RYR2: variants seen among roughly 807,000 people sequenced by gnomAD.
RYR2 encodes the protein cardiac muscle ryanodine receptor-calcium release channel.
RYR2 carries 227 observed loss-of-function variants against 601.1 expected under a neutral mutation model. That is an observed-to-expected ratio of 0.38 (90% CI 0.34 to 0.42). RYR2 has a LOEUF of 0.42. Among genes scored for constraint, RYR2 ranks in the 10% least tolerant of loss-of-function variants. The pLI is 1.00. For missense variants in RYR2, 4,646 were observed against 6,156.5 expected (o/e 0.75, Z 8.21); for synonymous variants, 2,223 against 2,175.1 (o/e 1.02, Z -0.61).
At chr1:237,135,764 T>C (rs1672709072) in intron 1 of RYR2, among the ~76,000 whole-genome samples, 1 of 152,248 alleles carries the variant, frequency 6.6e-6, no homozygotes, top group African/African-American at 2.4e-5. Flanking sequence ...ATTTGTCTTT[T>C]GTACAGCTTT....
intron 1 of RYR2, among the ~76,000 whole-genome samples, chr1:237,177,403 A>G (rs1678174792): frequency 6.6e-6 from 1 of 152,178 alleles, no homozygotes; most frequent in Non-Finnish European, 1.5e-5. Context: ...CTCTGTAAGC[A>G]TTTTCCTGAT....
intron 12 of RYR2, among the ~76,000 whole-genome samples, chr1:237,439,335 G>T (rs1304569433): frequency 2.0e-5 from 3 of 152,024 alleles, no homozygotes; most frequent in African/African-American, 7.2e-5. Context: ...CTCACTCAAG[G>T]GTCATAGTAA....
At chr1:237,831,955 C>T (rs889581280) in intron 104 of RYR2, among the ~76,000 whole-genome samples, 1 of 152,090 alleles carries the variant, frequency 6.6e-6, no homozygotes, top group Non-Finnish European at 1.5e-5. Context: ...TTTGAAATTC[C>T]TCTTCCACTG....
chr1:237,572,839 G>A (rs1672838807), intron 29 of RYR2, among the ~76,000 whole-genome samples: 2 of 152,002 alleles, frequency 1.3e-5, no homozygotes, highest in African/African-American at 2.4e-5. Flanking sequence ...TTTTGGTACT[G>A]GAATATCTCT....
At position 237,832,701 on chromosome 1, in the gene RYR2, C is replaced by A; in HGVS notation, c.*54C>A. 1.0e-6 allele frequency: 1 copy of A among 986,890 alleles called. No homozygotes were observed. Among genetic ancestry groups the A allele is most frequent in the South Asian group, 1.4e-5 (1 of 71,098 alleles). 61.1% of individuals were successfully genotyped at this position (986,890 alleles called of 1,614,324 possible). A position where few individuals can be genotyped will look rare whatever the true frequency, so the allele number is the denominator to read the frequency against. Reference sequence around the variant, plus strand: ...AAACCCTACCCCTCTCTCTCCCTCTCTCAATTTCTCTGCTCTCTTGGAAAC... The same window carrying A: ...AAACCCTACCCCTCTCTCTCCCTCTATCAATTTCTCTGCTCTCTTGGAAAC... On this transcript the variant is annotated 3_prime_UTR_variant, in exon 105 of 105. Transcript: ENST00000366574.
chr1:237,577,301 C>T (rs777481283), intron 29 of RYR2, among the ~76,000 whole-genome samples: 3 of 152,034 alleles, frequency 2.0e-5, no homozygotes, highest in South Asian at 2.1e-4. Flanking sequence ...TATGGTAGGC[C>T]GAATAATGTC....
At chr1:237,494,463 G>T (rs1663806397) in intron 19 of RYR2, among the ~76,000 whole-genome samples, 1 of 152,162 alleles carries the variant, frequency 6.6e-6, no homozygotes. Context: ...GCTGGCAGCT[G>T]ATTAGATGGT....
intron 1 of RYR2, among the ~76,000 whole-genome samples, chr1:237,136,037 C>T (rs1031668788): frequency 2.6e-5 from 4 of 152,174 alleles, no homozygotes; most frequent in African/African-American, 9.7e-5. Context: ...TTCCCTTCTT[C>T]TTCAGATCCT....
At chr1:237,468,956 G>A in intron 16 of RYR2, 136 bp from the exon 17 acceptor site, 2 of 648,762 alleles carry the variant, frequency 3.1e-6, no homozygotes, top group South Asian at 1.9e-5. Flanking sequence ...GTACGTGTAT[G>A]TATGTTTGCA....
At position 237,721,810 on chromosome 1, in the gene RYR2, G is replaced by A. The variant is rs139514230; in HGVS notation, c.10555-1318G>A. The stretch of plus-strand genomic sequence containing the variant: ...GCTGGGATTACAGGAGTGAGCCACC[G>A]TGCCCGGCTGCTTTGTCCATTTTTA... On this transcript the variant is annotated intron_variant, in intron 73 of 104. Transcript: ENST00000366574. Among the ~76,000 whole-genome samples, 38 of 152,216 alleles carry A rather than the reference G, an allele frequency of 2.5e-4. No homozygotes were observed. In the East Asian group the frequency reaches 6.8e-3, roughly 27 times the overall value.
At chr1:237,735,135 A>G (rs2685295) in intron 79 of RYR2, among the ~76,000 whole-genome samples, 50,054 of 152,176 alleles carry the variant, frequency 0.33, 8,993 homozygotes, top group East Asian at 0.61. Flanking sequence ...TGAGCAAGGT[A>G]GGGATTGAAA....
chr1:237,509,004 A>C (rs1291986699), intron 23 of RYR2, among the ~76,000 whole-genome samples: 1 of 151,778 alleles, frequency 6.6e-6, no homozygotes, highest in East Asian at 1.9e-4. Context: ...GGCCTCCCAA[A>C]GTGCTGGGAT....
At chr1:237,319,223 A>G (rs1469122513) in intron 2 of RYR2, among the ~76,000 whole-genome samples, 2 of 152,194 alleles carry the variant, frequency 1.3e-5, no homozygotes, top group African/African-American at 4.8e-5. Context: ...TTTTTAAAGC[A>G]TGCTTTCCTT....
Position 237,674,236 on chromosome 1 carries a change from C to G in RYR2, c.8714+17C>G. The G allele has an allele frequency of 6.3e-7, 1 of 1,584,908 alleles. No homozygotes were observed. Among genetic ancestry groups the G allele is most frequent in the Non-Finnish European group, 8.7e-7 (1 of 1,155,074 alleles). ...TGTATCCAGGTAAAAGTACACATAC[C>G]CTAAGTACACACTCTTTTCACAAGA... On this transcript the variant is annotated intron_variant, in intron 59 of 104. Coordinates refer to ENST00000366574, the MANE Select transcript of RYR2 (RefSeq NM_001035.3).
At chr1:237,329,378 A>G (rs568158140) in intron 2 of RYR2, among the ~76,000 whole-genome samples, 1 of 152,134 alleles carries the variant, frequency 6.6e-6, no homozygotes, top group African/African-American at 2.4e-5. Context: ...GCGGTGGCTC[A>G]TGTCTGTAAT....
intron 1 of RYR2, among the ~76,000 whole-genome samples, chr1:237,161,913 C>T (rs961158640): frequency 2.0e-5 from 3 of 152,220 alleles, no homozygotes; most frequent in Middle Eastern, 3.4e-3. Flanking sequence ...ATAGCAAATA[C>T]GTCAAATCTT....
Position 237,500,859 on chromosome 1 carries a change from C to T in RYR2, c.2352C>T (p.Ile784=), listed in dbSNP as rs573789485. 1.4e-5 allele frequency: 22 copies of T among 1,614,008 alleles called. No homozygotes were observed. Among genetic ancestry groups the T allele is most frequent in the African/African-American group, 8.0e-5 (6 of 75,030 alleles). Residue 784 remains isoleucine (I), a synonymous_variant, in exon 21 of 105, where the codon ATC becomes ATT. Transcript: ENST00000366574. ...PVQGMFENFN[I]DGLFFPVVSF... ...AAGGAATGTTTGAGAATTTCAACATCGATGGCCTCTTCTTTCCAGTCGTTA... is the reference window on the plus strand; with the variant it reads ...AAGGAATGTTTGAGAATTTCAACATTGATGGCCTCTTCTTTCCAGTCGTTA...
chr1:237,176,336 A>G (rs1678059716), intron 1 of RYR2, among the ~76,000 whole-genome samples: 1 of 149,638 alleles, frequency 6.7e-6, no homozygotes, highest in African/African-American at 2.4e-5. Flanking sequence ...AGCAAATATT[A>G]TTTCACTTAC....
At position 237,556,583 on chromosome 1, in the gene RYR2, A is replaced by C. The variant is rs936112279; in HGVS notation, c.3214+5892A>C. Among the ~76,000 whole-genome samples, 8 of 151,322 alleles carry C rather than the reference A, an allele frequency of 5.3e-5. No individual in the cohort carries two copies. In the East Asian group the frequency reaches 1.6e-3, roughly 29 times the overall value. On this transcript the variant is annotated intron_variant, in intron 27 of 104. Coordinates refer to ENST00000366574, the MANE Select transcript of RYR2 (RefSeq NM_001035.3). ...CTTGGCCTCCCAAAGTGCTGGGATT[A>C]CAGGCATGAGCCACTGCACCTGGCC...
Sources: gnomAD v4.1 joint callset for allele counts (sites outside exome capture counted in the v4.1 genomes callset) on GRCh38, gnomAD v4.1.1 for gene constraint, MANE v1.5 for transcripts, NCBI Gene and HGNC (gene_info 2026-07-23, HGNC 2026-07-21) for gene names.